EXOC6: variants seen among roughly 807,000 people sequenced by gnomAD.
EXOC6 encodes the protein SEC15-like 1.
EXOC6 carries 60 observed loss-of-function variants against 112.5 expected under a neutral mutation model. The ratio of observed to expected loss-of-function variants is 0.53; its 90% CI spans 0.43 to 0.66. The LOEUF is 0.66. Among genes scored for constraint, EXOC6 ranks in the 30% least tolerant of loss-of-function variants. The probability of loss-of-function intolerance (pLI) is 0.00; values close to 1 mark genes in which losing one functional copy is unlikely to be tolerated. For synonymous variants in EXOC6, 295 were observed against 308.0 expected (o/e 0.96, Z 0.44); for missense variants, 855 against 957.1 (o/e 0.89, Z 1.41).
At chr10:93,048,425 G>A (rs1346744328) in intron 20 of EXOC6, among the ~76,000 whole-genome samples, 1 of 151,772 alleles carries the variant, frequency 6.6e-6, no homozygotes, top group Non-Finnish European at 1.5e-5. Flanking sequence ...TTGGCTGGGT[G>A]CAGTGGCTCA....
intron 1 of EXOC6, among the ~76,000 whole-genome samples, chr10:92,882,731 T>C (rs540721868): frequency 6.6e-6 from 1 of 152,282 alleles, no homozygotes; most frequent in South Asian, 2.1e-4. Context: ...TTGGGTTTCT[T>C]AAGTATATCT....
At chr10:93,011,046 A>G (rs1844217737) in intron 19 of EXOC6, among the ~76,000 whole-genome samples, 2 of 152,128 alleles carry the variant, frequency 1.3e-5, no homozygotes, top group South Asian at 4.2e-4. Context: ...GATAATAACT[A>G]TATGTCTAAT....
At chr10:93,018,113 C>A (rs1416369679) in intron 20 of EXOC6, among the ~76,000 whole-genome samples, 1 of 151,778 alleles carries the variant, frequency 6.6e-6, no homozygotes, top group African/African-American at 2.4e-5. Context: ...AATCACACCC[C>A]CCTATATGTA....
intron 1 of EXOC6, among the ~76,000 whole-genome samples, chr10:92,853,553 TC>T (rs1159206452): frequency 6.6e-6 from 1 of 152,152 alleles, no homozygotes; most frequent in African/African-American, 2.4e-5. Flanking sequence ...AACAAATAGA[TC>T]AGTGAAACTT....
At chr10:92,842,525 C>T (rs910670656) in intron 1 of EXOC6, among the ~76,000 whole-genome samples, 2 of 151,134 alleles carry the variant, frequency 1.3e-5, no homozygotes, top group South Asian at 2.1e-4. Flanking sequence ...AGAGAAAAAT[C>T]GGACAAGGGA....
chr10:92,913,568 C>T (rs1850918414), intron 6 of EXOC6, among the ~76,000 whole-genome samples: 1 of 152,218 alleles, frequency 6.6e-6, no homozygotes, highest in Non-Finnish European at 1.5e-5. Context: ...TTTCACATTT[C>T]TCGGTCTGAT....
intron 1 of EXOC6, among the ~76,000 whole-genome samples, chr10:92,857,101 A>G (rs762756272): frequency 2.3e-4 from 34 of 147,940 alleles, no homozygotes; most frequent in Non-Finnish European, 4.5e-4. Context: ...ATTTAATGTT[A>G]TTATTTACAT....
chr10:93,025,398 A>G (rs1844979658), intron 20 of EXOC6, among the ~76,000 whole-genome samples: 1 of 152,186 alleles, frequency 6.6e-6, no homozygotes, highest in South Asian at 2.1e-4. Flanking sequence ...GGGATGAGAT[A>G]CCTTGTCATA....
upstream of EXOC6, among the ~76,000 whole-genome samples, chr10:92,846,433 C>A (rs1453163880): frequency 6.6e-6 from 1 of 152,240 alleles, no homozygotes; most frequent in African/African-American, 2.4e-5. Flanking sequence ...AAGCAATCCT[C>A]CTGCCTCAGC....
At chr10:92,971,248 G>A (rs1842282511) in intron 17 of EXOC6, among the ~76,000 whole-genome samples, 4 of 152,028 alleles carry the variant, frequency 2.6e-5, no homozygotes, top group African/African-American at 9.7e-5. Context: ...GTTTCACCAT[G>A]TTAGCCAGGA....
intron 13 of EXOC6, among the ~76,000 whole-genome samples, 193 bp downstream of exon 13, chr10:92,941,017 C>T (rs1852639742): frequency 6.6e-6 from 1 of 152,070 alleles, no homozygotes; most frequent in African/African-American, 2.4e-5. Context: ...CTGTCACCAC[C>T]ATCCATTTCC....
At chr10:92,853,364 A>G (rs2133638420) in intron 1 of EXOC6, among the ~76,000 whole-genome samples, 1 of 152,356 alleles carries the variant, frequency 6.6e-6, no homozygotes, top group East Asian at 1.9e-4. Context: ...AAATCCCAGC[A>G]GAATGAAAAT....
intron 8 of EXOC6, among the ~76,000 whole-genome samples, chr10:92,920,996 C>T (rs1851405272): frequency 6.6e-6 from 1 of 152,138 alleles, no homozygotes; most frequent in African/African-American, 2.4e-5. Context: ...AGTATGTCTC[C>T]AGTAGGTAAC....
chr10:92,828,887 A>G (rs1164977953), intron 1 of EXOC6, among the ~76,000 whole-genome samples: 1 of 152,074 alleles, frequency 6.6e-6, no homozygotes, highest in Non-Finnish European at 1.5e-5. Context: ...CTACTGATAG[A>G]GGAGTTAAGA....
At chr10:92,966,962 CTTT>C (rs1181274718) in intron 17 of EXOC6, among the ~76,000 whole-genome samples, 3 of 132,158 alleles carry the variant, frequency 2.3e-5, no homozygotes, top group Non-Finnish European at 4.7e-5. Context: ...TGTTTCCTGA[CTTT>C]TTAATGATTG....
At chr10:92,940,926 T>TAA in intron 13 of EXOC6, 102 bp downstream of exon 13, 1 of 780,490 alleles carries the variant, frequency 1.3e-6, no homozygotes, top group East Asian at 2.7e-5. Context: ...TCATTTTTAT[T>TAA]GTAGTAAAGT....
At chr10:93,001,283 G>GAT (rs1445727694) in intron 19 of EXOC6, among the ~76,000 whole-genome samples, 1 of 152,114 alleles carries the variant, frequency 6.6e-6, no homozygotes. Flanking sequence ...TAATAACATA[G>GAT]ATATGCTCAC....
chr10:92,858,542 C>T (rs765079223), intron 1 of EXOC6, among the ~76,000 whole-genome samples: 1 of 152,104 alleles, frequency 6.6e-6, no homozygotes, highest in Non-Finnish European at 1.5e-5. Context: ...TGGGACCCTC[C>T]AATGAATTTT....
At position 92,909,437 on chromosome 10, in the gene EXOC6, G is replaced by A. The variant is rs1201358397; in HGVS notation, c.469G>A (p.Ala157Thr). 1.2e-6 allele frequency: 2 copies of A among 1,610,796 alleles called. No homozygotes were observed. The highest frequency in any genetic ancestry group is 2.2e-5 in the East Asian group (1 of 44,770). ...EQMSAKRYYSALKTMEQLENV... is the reference protein window; with the variant it reads ...EQMSAKRYYSTLKTMEQLENV... ...TTTAACTTCTCACAGGTACTATTCT[G>A]CCCTAAAAACTATGGAACAATTAGA... Residue 157 changes from alanine (A) to threonine (T), a missense_variant, in exon 6 of 22, where the codon GCC (alanine) becomes ACC (threonine). By Grantham distance (58) the Ala-to-Thr change is moderately conservative. Transcript: ENST00000260762.
Sources: gnomAD v4.1 joint callset for allele counts (sites outside exome capture counted in the v4.1 genomes callset) on GRCh38, gnomAD v4.1.1 for gene constraint, MANE v1.5 for transcripts, NCBI Gene and HGNC (gene_info 2026-07-23, HGNC 2026-07-21) for gene names.